Variants in TNFRSF1A observed in about 807,000 individuals in gnomAD.
TNFRSF1A encodes tumor necrosis factor receptor superfamily member 1A.
A neutral mutation model predicts 41.6 loss-of-function variants in TNFRSF1A; 9 were observed. That is an observed-to-expected ratio of 0.22 (90% confidence interval 0.13 to 0.38). TNFRSF1A has a LOEUF of 0.38. Among genes scored for constraint, TNFRSF1A ranks in the 10% least tolerant of loss-of-function variants. TNFRSF1A has a pLI of 1.00. For synonymous variants in TNFRSF1A, 254 were observed against 248.6 expected (o/e 1.02, Z -0.21); for missense variants, 463 against 591.5 (o/e 0.78, Z 2.25).
At chr12:6,335,160 C>T (rs1360490804) in intron 1 of TNFRSF1A, among the ~76,000 whole-genome samples, 5 of 152,120 alleles carry the variant, frequency 3.3e-5, no homozygotes, top group Non-Finnish European at 7.4e-5. Context: ...TGTATCAAAC[C>T]TCAATCTGCC....
At position 6,337,773 on chromosome 12, in the gene TNFRSF1A, C is replaced by CA. The variant is rs4149628; in HGVS notation, c.40-3530dup. ...CCACGAACCTTATAAGATGAGAGAT[C>CA]AAAAAATGTCTTGGTCAGAAAGTGT... On this transcript the variant is annotated intron_variant, in intron 1 of 9. Transcript: ENST00000162749. This position sits in a 1 kb window ranked among gnomAD's most constrained non-coding sequence, Gnocchi z 4.6. Among the ~76,000 whole-genome samples the CA allele has an allele frequency of 0.1, 15,761 of 152,036 alleles. 2,659 individuals carry two copies. The highest frequency in any genetic ancestry group is 0.35 in the African/African-American group (14,582 of 41,406).
rs1316011626 is a variant in TNFRSF1A, at chr12:6,337,166, C to G, written c.40-2922G>C. Among the ~76,000 whole-genome samples, 1 of 152,212 alleles carries G rather than the reference C, an allele frequency of 6.6e-6. No homozygotes were observed. The highest frequency in any genetic ancestry group is 2.4e-5 in the African/African-American group (1 of 41,444). ...GAGCCAGGGCCCTCAGACTCCCCAC[C>G]ACTGGGCACCACTGCTGGCACCAGC... is the stretch of plus-strand genomic sequence containing the variant. On this transcript the variant is annotated intron_variant, in intron 1 of 9. Transcript: ENST00000162749. This position sits in a 1 kb window ranked among gnomAD's most constrained non-coding sequence, Gnocchi z 4.6.
At position 6,337,322 on chromosome 12, in the gene TNFRSF1A, C is replaced by T. The variant is rs113908292; in HGVS notation, c.40-3078G>A. On this transcript the variant is annotated intron_variant, in intron 1 of 9. Coordinates refer to ENST00000162749, the MANE Select transcript of TNFRSF1A (RefSeq NM_001065.4). This position sits in a 1 kb window ranked among gnomAD's most constrained non-coding sequence, Gnocchi z 4.6. ...GGAAGCTGGGGTGCCTGTGGAGAGA[C>T]AGTTGAGGGGGTGGCCCAACACCCC... is the stretch of plus-strand genomic sequence containing the variant. 9.6e-4 allele frequency among the ~76,000 whole-genome samples: 146 copies of T among 152,328 alleles called. 1 individual carries two copies. The highest frequency in any genetic ancestry group is 3.4e-3 in the Middle Eastern group (1 of 294).
At position 6,334,357 on chromosome 12, in the gene TNFRSF1A, GC is replaced by G; in HGVS notation, c.40-114del. The G allele has an allele frequency of 1.1e-6, 1 of 918,172 alleles. No homozygotes were observed. Among genetic ancestry groups the G allele is most frequent in the Non-Finnish European group, 1.7e-6 (1 of 599,146 alleles). 56.9% of individuals were successfully genotyped at this position (918,172 alleles called of 1,614,324 possible). A position where few individuals can be genotyped will look rare whatever the true frequency, so the allele number is the denominator to read the frequency against. ...AAGTCCTTCCTCAGTGAAACATTCC[GC>G]CCAGGCCACGCCACTCACTAAGTTT... On this transcript the variant is annotated intron_variant, in intron 1 of 9. Transcript: ENST00000162749. This position sits in a 1 kb window ranked among gnomAD's most constrained non-coding sequence, Gnocchi z 5.1.
Position 6,329,591 on chromosome 12 carries a change from C to T in TNFRSF1A, c.1089G>A (p.Val363=), listed in dbSNP as rs1948005722. Residue 363 remains valine (V), a synonymous_variant, in exon 10 of 10, where the codon GTG becomes GTA. Transcript: ENST00000162749. The part of the protein sequence containing the change: ...TDDPATLYAV[V]ENVPPLRWKE... The stretch of plus-strand genomic sequence containing the variant: ...TCCAGCGCAACGGGGGCACGTTCTC[C>T]ACCACGGCGTACAGCGTCGCGGGGT... 1.9e-6 allele frequency: 3 copies of T among 1,592,890 alleles called. No homozygotes were observed. In the African/African-American group the frequency reaches 4.0e-5, roughly 21 times the overall value.
In TNFRSF1A at chr12:6,337,074, C is replaced by G. The variant is rs4149629; in HGVS notation, c.40-2830G>C. On this transcript the variant is annotated intron_variant, in intron 1 of 9. Coordinates refer to ENST00000162749, the MANE Select transcript of TNFRSF1A (RefSeq NM_001065.4). This position sits in a 1 kb window ranked among gnomAD's most constrained non-coding sequence, Gnocchi z 4.6. ...CAAGAAGGGATGCCGGATGGAAGAA[C>G]CAGCCCTGCTTCCTAGGCTTCCCCT... 6.6e-6 allele frequency among the ~76,000 whole-genome samples: 1 copy of G among 152,216 alleles called. No homozygotes were observed. Among genetic ancestry groups the G allele is most frequent in the Non-Finnish European group, 1.5e-5 (1 of 68,022 alleles).
intron 5 of TNFRSF1A, chr12:6,331,662 A>C (rs990666491): frequency 5.4e-5 from 9 of 167,398 alleles, no homozygotes; most frequent in African/African-American, 2.2e-4. Context: ...TTAGCCCACC[A>C]CTCAAGCTCA....
Position 6,333,195 on chromosome 12 carries a change from C to T in TNFRSF1A, c.473-48G>A. 2.5e-6 allele frequency: 4 copies of T among 1,595,924 alleles called. No individual in the cohort carries two copies. Among genetic ancestry groups the T allele is most frequent in the African/African-American group, 1.3e-5 (1 of 74,666 alleles). On this transcript the variant is annotated intron_variant, in intron 4 of 9. Transcript: ENST00000162749. The surrounding 1 kb of genome is among the most constrained non-coding windows in gnomAD (Gnocchi z 6.3). The stretch of plus-strand genomic sequence containing the variant: ...GCTAAAGGAGAAGCGCCTGCACCCC[C>T]ACCCCACAGGACAGAGGAAGTGACG...
chr12:6,341,124 C>G lies in TNFRSF1A; in HGVS notation c.39+652G>C, dbSNP rs531458953. 2.0e-5 allele frequency among the ~76,000 whole-genome samples: 3 copies of G among 152,126 alleles called. No individual in the cohort carries two copies. Among genetic ancestry groups the G allele is most frequent in the Admixed American group, 2.0e-4 (3 of 15,274 alleles). On this transcript the variant is annotated intron_variant, in intron 1 of 9. Transcript: ENST00000162749. The surrounding 1 kb of genome is among the most constrained non-coding windows in gnomAD (Gnocchi z 4.6). ...TAAAGAATGTCCCCAGGTGAGAGGCCGGGGCTTGGCCAGGGCACTGGGGAC... is the reference window on the plus strand; with the variant it reads ...TAAAGAATGTCCCCAGGTGAGAGGCGGGGGCTTGGCCAGGGCACTGGGGAC...
rs763628180 is a variant in TNFRSF1A at position 6,333,182 on chromosome 12, G to A, written c.473-35C>T. The A allele has an allele frequency of 2.5e-6, 4 of 1,605,934 alleles. No homozygotes were observed. In the South Asian group the frequency reaches 3.3e-5, roughly 13 times the overall value. The stretch of plus-strand genomic sequence containing the variant: ...GAAGTGCGGCACAGCTAAAGGAGAA[G>A]CGCCTGCACCCCCACCCCACAGGAC... On this transcript the variant is annotated intron_variant, in intron 4 of 9. Coordinates refer to ENST00000162749, the MANE Select transcript of TNFRSF1A (RefSeq NM_001065.4). This position sits in a 1 kb window ranked among gnomAD's most constrained non-coding sequence, Gnocchi z 6.3.
In TNFRSF1A at chr12:6,341,434, C is replaced by T. The variant is rs1490456268; in HGVS notation, c.39+342G>A. 6.6e-6 allele frequency among the ~76,000 whole-genome samples: 1 copy of T among 152,234 alleles called. No homozygotes were observed. The highest frequency in any genetic ancestry group is 1.5e-5 in the Non-Finnish European group (1 of 68,052). ...AGCACTAATCTTCCTACTCCCACTC[C>T]CTTCTTTTCCCCGCCAAATCTGCCC... On this transcript the variant is annotated intron_variant, in intron 1 of 9. Coordinates refer to ENST00000162749, the MANE Select transcript of TNFRSF1A (RefSeq NM_001065.4). The surrounding 1 kb of genome is among the most constrained non-coding windows in gnomAD (Gnocchi z 4.6).
At chr12:6,330,535 G>T in intron 7 of TNFRSF1A, 63 bp downstream of exon 7, 3 of 1,271,272 alleles carry the variant, frequency 2.4e-6, no homozygotes, top group Non-Finnish European at 3.4e-6. Context: ...CATGTCCATC[G>T]CACCCACCCA....
In TNFRSF1A at chr12:6,333,310, G is replaced by A. The variant is rs750059978; in HGVS notation, c.472+57C>T. ...AGGAAAGGAAGTGCCACCGCATGGG[G>A]AAGGGGCCAACCCCTGGGGTGGGGA... On this transcript the variant is annotated intron_variant, in intron 4 of 9. Transcript: ENST00000162749. This position sits in a 1 kb window ranked among gnomAD's most constrained non-coding sequence, Gnocchi z 6.3. The A allele has an allele frequency of 3.8e-6, 6 of 1,596,668 alleles. No individual in the cohort carries two copies. The highest frequency in any genetic ancestry group is 1.7e-6 in the Non-Finnish European group (2 of 1,170,524).
In TNFRSF1A at chr12:6,337,909, T is replaced by C. The variant is rs1025993451; in HGVS notation, c.40-3665A>G. The stretch of plus-strand genomic sequence containing the variant: ...ATGATACATCTGTCTTCCACTCTAG[T>C]AGAAGCCAGTGATTCCCAAAGAGGG... On this transcript the variant is annotated intron_variant, in intron 1 of 9. Coordinates refer to ENST00000162749, the MANE Select transcript of TNFRSF1A (RefSeq NM_001065.4). The surrounding 1 kb of genome is among the most constrained non-coding windows in gnomAD (Gnocchi z 4.6). Among the ~76,000 whole-genome samples the C allele has an allele frequency of 1.3e-5, 2 of 152,024 alleles. No homozygotes were observed. Among genetic ancestry groups the C allele is most frequent in the African/African-American group, 4.8e-5 (2 of 41,376 alleles).
At chr12:6,330,090 C>A in intron 8 of TNFRSF1A, 24 bp from the exon 9 acceptor site, 1 of 1,612,660 alleles carries the variant, frequency 6.2e-7, no homozygotes, top group East Asian at 2.2e-5. Context: ...GGTGGCGCAG[C>A]ATTAGTGCGG....
At position 6,329,364 on chromosome 12, in the gene TNFRSF1A, T is replaced by A; in HGVS notation, c.1316A>T (p.Glu439Val). The A allele has an allele frequency of 6.7e-7, 1 of 1,496,338 alleles. No homozygotes were observed. The highest frequency in any genetic ancestry group is 1.4e-5 in the African/African-American group (1 of 69,212). The allele number at this position is 1,496,338 out of a possible 1,614,324, so 92.7% of individuals were successfully genotyped here. The part of the protein sequence containing the change: ...DLLGCLEDIE[E>V]ALCGPAALPP... ...GAGGGCGGCGGGGCCGCAAAGCGCC[T>A]CCTCGATGTCCTCCAGGCAGCCCAG... Residue 439 changes from glutamate (E) to valine (V), a missense_variant, in exon 10 of 10, where the codon GAG (glutamate) becomes GTG (valine). Around this residue, in one of 4 missense-constraint regions of TNFRSF1A, gnomAD observed 277 missense variants for 288.8 expected, o/e 0.96. Coordinates refer to ENST00000162749, the MANE Select transcript of TNFRSF1A (RefSeq NM_001065.4).
In TNFRSF1A at chr12:6,331,160, G is replaced by A. The variant is rs550655474; in HGVS notation, c.552-234C>T. On this transcript the variant is annotated intron_variant, in intron 5 of 9. Transcript: ENST00000162749. ...GTGTAGAAAATGTGAAAAGCAGTCAGGGTCAGGGTGTAAATTCCAGTTCAT... is the reference window on the plus strand; with the variant it reads ...GTGTAGAAAATGTGAAAAGCAGTCAAGGTCAGGGTGTAAATTCCAGTTCAT... 96 of 572,748 alleles carry A rather than the reference G, an allele frequency of 1.7e-4. 2 individuals are homozygous for A. In the South Asian group the frequency reaches 1.8e-3, roughly 11 times the overall value. 35.5% of individuals were successfully genotyped at this position (572,748 alleles called of 1,614,324 possible).
In TNFRSF1A at chr12:6,329,404, G is replaced by C; in HGVS notation, c.1276C>G (p.Arg426Gly). Residue 426 changes from arginine (R) to glycine (G), a missense_variant, in exon 10 of 10, where the codon CGC becomes GGC. By Grantham distance (125) the Arg-to-Gly change is moderately radical. Transcript: ENST00000162749. ...AGGCAGCCCAGCAGGTCCATGTCGC[G>C]GAGCACGCGTCCCAGCAGCTCCAGC... ...ATLELLGRVL[R>G]DMDLLGCLED... 1 of 1,565,338 alleles carries C rather than the reference G, an allele frequency of 6.4e-7. No homozygotes were observed. The highest frequency in any genetic ancestry group is 8.6e-7 in the Non-Finnish European group (1 of 1,162,112).
rs1948085709 is a variant in TNFRSF1A at position 6,333,913 on chromosome 12, G to C, written c.194-48C>G. On this transcript the variant is annotated intron_variant, in intron 2 of 9. Transcript: ENST00000162749. The surrounding 1 kb of genome is among the most constrained non-coding windows in gnomAD (Gnocchi z 6.3). ...AGGCTGCGGGTGAGAACACAAGGAA[G>C]GAGCCCCATGCTAGGGACAACAGCC... The C allele has an allele frequency of 6.2e-7, 1 of 1,601,690 alleles. No individual in the cohort carries two copies. Among genetic ancestry groups the C allele is most frequent in the Admixed American group, 1.7e-5 (1 of 57,536 alleles).
Sources: allele counts gnomAD v4.1 joint callset (sites outside exome capture counted in the v4.1 genomes callset), GRCh38; gene constraint gnomAD v4.1.1; regional missense constraint gnomAD v4.1.1; non-coding constraint Gnocchi (gnomAD v3.1); transcripts MANE v1.5; gene names NCBI Gene and HGNC (gene_info 2026-07-23, HGNC 2026-07-21).